The following CGAS variants were observed in gnomAD, a reference collection of about 807,000 sequenced individuals.
CGAS encodes 2'3'-cGAMP synthase.
In CGAS, 31 loss-of-function variants were observed where a neutral mutation model predicts 34.0. That is an observed-to-expected ratio of 0.91 (90% CI 0.69 to 1.23). CGAS has a LOEUF of 1.23. Among genes scored for constraint, CGAS ranks in the 50% most tolerant of loss-of-function variants. The pLI is 0.00. For missense variants in CGAS, 597 were observed against 657.6 expected (o/e 0.91, Z 1.01); for synonymous variants, 266 against 260.0 (o/e 1.02, Z -0.22).
intron 1 of CGAS, among the ~76,000 whole-genome samples, chr6:73,448,475 C>G (rs1040893703): frequency 6.6e-6 from 1 of 152,028 alleles, no homozygotes; most frequent in Non-Finnish European, 1.5e-5. Context: ...TTCACTGAGT[C>G]CAAACTATAT....
At chr6:73,434,729 C>T (rs533411118) in intron 3 of CGAS, among the ~76,000 whole-genome samples, 1 of 151,902 alleles carries the variant, frequency 6.6e-6, no homozygotes, top group Non-Finnish European at 1.5e-5. Context: ...CTCACTGCAA[C>T]TCCACCCACC....
chr6:73,440,150 G>T, intron 3 of CGAS, 59 bp downstream of exon 3: 1 of 1,463,374 alleles, frequency 6.8e-7, no homozygotes, highest in Non-Finnish European at 9.3e-7. Context: ...TTTACTGCCT[G>T]AACATATAAC....
intron 3 of CGAS, among the ~76,000 whole-genome samples, chr6:73,435,778 TAAAA>T (rs59217000): frequency 1.2e-4 from 17 of 137,154 alleles, no homozygotes; most frequent in Non-Finnish European, 1.4e-4. Context: ...GTGTCTACTT[TAAAA>T]AAAAAAAAAA....
intron 3 of CGAS, among the ~76,000 whole-genome samples, chr6:73,435,651 CAT>C (rs1202225646): frequency 1.3e-5 from 2 of 151,556 alleles, no homozygotes; most frequent in Non-Finnish European, 2.9e-5. Flanking sequence ...AAAAGAAAAA[CAT>C]ATGTCCTGGC....
rs1289994798 is a variant in CGAS at position 73,440,449 on chromosome 6, G to A, written c.878-4C>T. The A allele has an allele frequency of 6.3e-7, 1 of 1,590,174 alleles. No individual in the cohort carries two copies. Among genetic ancestry groups the A allele is most frequent in the Non-Finnish European group, 8.6e-7 (1 of 1,167,644 alleles). ...CTCTTCATGATGACATCTGTATCTG[G>A]TTGAACATATAAAAGAAAAGAAAGT... On this transcript the variant is annotated splice_polypyrimidine_tract_variant and splice_region_variant and intron_variant, in intron 2 of 4. Transcript: ENST00000370315.
chr6:73,433,614 G>A (rs1271443403), intron 3 of CGAS, among the ~76,000 whole-genome samples: 2 of 151,420 alleles, frequency 1.3e-5, no homozygotes, highest in South Asian at 2.1e-4. Flanking sequence ...TCAGCCTCCC[G>A]AGTAGCTAGG....
intron 3 of CGAS, among the ~76,000 whole-genome samples, chr6:73,433,824 C>T (rs1482672951): frequency 6.6e-6 from 1 of 152,008 alleles, no homozygotes; most frequent in Non-Finnish European, 1.5e-5. Flanking sequence ...TGGTCTTGAA[C>T]CCCTCACCTA....
chr6:73,436,791 G>A (rs1770287765), intron 3 of CGAS, among the ~76,000 whole-genome samples: 2 of 135,224 alleles, frequency 1.5e-5, no homozygotes, highest in Admixed American at 7.2e-5. Flanking sequence ...CCAAAGTACT[G>A]GATTATAGGT....
chr6:73,451,126 C>A (rs988137337), intron 1 of CGAS, among the ~76,000 whole-genome samples: 1 of 151,982 alleles, frequency 6.6e-6, no homozygotes, highest in African/African-American at 2.4e-5. Flanking sequence ...AGAGGTCTTC[C>A]TCATAGGAAA....
chr6:73,433,690 T>C (rs1209436734), intron 3 of CGAS, among the ~76,000 whole-genome samples: 1 of 151,456 alleles, frequency 6.6e-6, no homozygotes, highest in Non-Finnish European at 1.5e-5. Context: ...GGTCTTACCA[T>C]GTTGGCCAGG....
At chr6:73,429,531 T>C (rs1367247008) in intron 3 of CGAS, among the ~76,000 whole-genome samples, 1 of 151,888 alleles carries the variant, frequency 6.6e-6, no homozygotes, top group African/African-American at 2.4e-5. Context: ...TTTGTGTAAA[T>C]ATAGAATGAT....
chr6:73,446,452 G>A (rs1187551289), intron 1 of CGAS, among the ~76,000 whole-genome samples: 3 of 76,252 alleles, frequency 3.9e-5, no homozygotes, highest in African/African-American at 1.8e-4. Flanking sequence ...CGGGCCGGGC[G>A]CGGTGGCTCA....
intron 1 of CGAS, among the ~76,000 whole-genome samples, chr6:73,449,273 G>C (rs1770521378): frequency 6.6e-6 from 1 of 151,810 alleles, no homozygotes; most frequent in African/African-American, 2.4e-5. Flanking sequence ...TCAGGAGATA[G>C]AGACCAGCCT....
rs764541437 is a variant in CGAS, at chr6:73,445,536, T to C, written c.869A>G (p.Asp290Gly). ...AAAGGCAAAAGTCTTACCTTTAATG[T>C]CGTTAATTTCTTCCTTAATGATTTT... ...FRKIIKEEIN[D>G]IKDTDVIMKR... is the part of the protein sequence containing the mutation. The change falls in exon 2 of 5, where the codon GAC becomes GGC. Residue 290 changes from aspartate to glycine, a missense_variant. Asp to Gly is a moderately conservative substitution (Grantham distance 94, BLOSUM62 -1). Around this residue, in one of 3 missense-constraint regions of CGAS, gnomAD observed 271 missense variants for 324.1 expected, o/e 0.84. Transcript: ENST00000370315. The C allele has an allele frequency of 2.4e-5, 38 of 1,599,590 alleles. No homozygotes were observed. Among genetic ancestry groups the C allele is most frequent in the Non-Finnish European group, 3.0e-5 (35 of 1,174,302 alleles).
At position 73,445,664 on chromosome 6, in the gene CGAS, T is replaced by G. The variant is rs1172401769; in HGVS notation, c.741A>C (p.Ala247=). The change falls in exon 2 of 5, where the codon GCA becomes GCC. Residue 247 remains alanine (A), a synonymous_variant. Coordinates refer to ENST00000370315, the MANE Select transcript of CGAS (RefSeq NM_138441.3). The stretch of plus-strand genomic sequence containing the variant: ...TTCTTTTAAATTTCACAAAGTAATA[T>G]GCACGAGTGTTGGAATATTCTTCTA... ...IQLEEYSNTR[A]YYFVKFKRNP... is the part of the protein sequence containing the mutation. The G allele has an allele frequency of 1.2e-5, 20 of 1,613,004 alleles. No individual in the cohort carries two copies. Among genetic ancestry groups the G allele is most frequent in the Non-Finnish European group, 1.6e-5 (19 of 1,179,678 alleles).
chr6:73,432,511 G>A (rs765755321), intron 3 of CGAS, among the ~76,000 whole-genome samples: 13 of 152,086 alleles, frequency 8.5e-5, no homozygotes, highest in Non-Finnish European at 1.6e-4. Context: ...AGGCTGGAGC[G>A]CAGTGACATG....
intron 2 of CGAS, among the ~76,000 whole-genome samples, chr6:73,444,455 T>G (rs1191020508): frequency 6.6e-6 from 1 of 152,004 alleles, no homozygotes. Context: ...ATTACAGACA[T>G]GTGCCACCAC....
rs9446902 is a variant in CGAS, at chr6:73,429,622, C to G, written c.1115-811G>C. 6.9e-3 allele frequency among the ~76,000 whole-genome samples: 1,049 copies of G among 151,698 alleles called. 17 individuals carry two copies. Among genetic ancestry groups the G allele is most frequent in the African/African-American group, 0.023 (963 of 41,410 alleles). On this transcript the variant is annotated intron_variant, in intron 3 of 4. Coordinates refer to ENST00000370315, the MANE Select transcript of CGAS (RefSeq NM_138441.3). ...TGGGCGGATCACAAGGTCGGGAGAT[C>G]AAGACCATCCTGGCTAACACAGTGA... is the stretch of plus-strand genomic sequence containing the variant.
chr6:73,430,468 A>T (rs1403536154), intron 3 of CGAS, among the ~76,000 whole-genome samples: 1 of 152,060 alleles, frequency 6.6e-6, no homozygotes, highest in Non-Finnish European at 1.5e-5. Context: ...TAGCTTAGCC[A>T]GTGTGGTGGC....
Sources: allele counts gnomAD v4.1 joint callset (sites outside exome capture counted in the v4.1 genomes callset), GRCh38; gene constraint gnomAD v4.1.1; regional missense constraint gnomAD v4.1.1; transcripts MANE v1.5; gene names NCBI Gene and HGNC (gene_info 2026-07-23, HGNC 2026-07-21).